The following TMEM163 variants were observed in gnomAD, a reference collection of about 807,000 sequenced individuals.
The protein encoded by TMEM163 is transmembrane protein 163.
In TMEM163, 17 loss-of-function variants were observed where a neutral mutation model predicts 29.3. That is an observed-to-expected ratio of 0.58 (90% CI 0.40 to 0.87). The LOEUF (loss-of-function observed/expected upper bound fraction) is 0.87. TMEM163 is among the 40% of genes least tolerant of loss of function. The pLI, the probability that TMEM163 is intolerant of heterozygous loss-of-function variation, is 0.00. For missense variants in TMEM163, 303 were observed against 381.5 expected, an observed-to-expected ratio of 0.79 and a Z score of 1.71; for synonymous variants, 157 against 160.6, an observed-to-expected ratio of 0.98 and a Z score of 0.17.
At chr2:134,525,532 G>GC (rs894415179) in intron 4 of TMEM163, among the ~76,000 whole-genome samples, 1 of 152,210 alleles carries the variant, frequency 6.6e-6, no homozygotes, top group African/African-American at 2.4e-5. Flanking sequence ...AAGGGCACTT[G>GC]CCCCCTTTGT....
chr2:134,484,803 AG>A (rs1679275158), intron 5 of TMEM163, among the ~76,000 whole-genome samples: 1 of 152,218 alleles, frequency 6.6e-6, no homozygotes, highest in Admixed American at 6.5e-5. Flanking sequence ...AGGGTCAACC[AG>A]AGTAGGAAGT....
intron 5 of TMEM163, among the ~76,000 whole-genome samples, chr2:134,490,400 C>A (rs57459454): frequency 0.061 from 9,237 of 152,188 alleles, 358 homozygotes; most frequent in South Asian, 0.12. Context: ...ACTCAAGGAG[C>A]AGGTCCAGGG....
chr2:134,625,408 T>G (rs1309748551), intron 2 of TMEM163, among the ~76,000 whole-genome samples: 19 of 152,182 alleles, frequency 1.2e-4, no homozygotes. Context: ...CATGGAGCCA[T>G]TTCATAATGG....
intron 5 of TMEM163, among the ~76,000 whole-genome samples, chr2:134,471,303 G>A: frequency 6.6e-6 from 1 of 152,192 alleles, no homozygotes; most frequent in Admixed American, 6.5e-5. Flanking sequence ...AGATAATTAG[G>A]GTTAGATTAG....
intron 2 of TMEM163, among the ~76,000 whole-genome samples, chr2:134,570,487 CATAT>C (rs1180099096): frequency 9.9e-5 from 9 of 90,584 alleles, no homozygotes; most frequent in African/African-American, 6.1e-4. Context: ...TATACATATA[CATAT>C]ACATATACAT....
chr2:134,522,268 G>A (rs937013638), intron 4 of TMEM163, among the ~76,000 whole-genome samples: 16 of 152,218 alleles, frequency 1.1e-4, no homozygotes, highest in Non-Finnish European at 1.6e-4. Context: ...TCCACAAGAG[G>A]GAGAGACTGG....
chr2:134,718,623 CCCCCGCGCGCTCCGAGCCCCGCGCCTCG>C, intron 1 of TMEM163, 83 bp downstream of exon 1: 1 of 823,966 alleles, frequency 1.2e-6, no homozygotes, highest in Non-Finnish European at 1.5e-6. Context: ...GGGCTCCGCG[CCCCCGCGCGCTCCGAGCCCCGCGCCTCG>C]CCCAGCGCGG....
At chr2:134,491,171 G>T (rs535124622) in intron 5 of TMEM163, among the ~76,000 whole-genome samples, 1 of 152,122 alleles carries the variant, frequency 6.6e-6, no homozygotes, top group African/African-American at 2.4e-5. Flanking sequence ...TGTGAAGAGC[G>T]AAGCACTCAG....
chr2:134,589,604 C>A (rs931280375), intron 2 of TMEM163, among the ~76,000 whole-genome samples: 2 of 152,132 alleles, frequency 1.3e-5, no homozygotes, highest in Non-Finnish European at 2.9e-5. Context: ...AGAGGAGGAA[C>A]CCTCAGTTCT....
chr2:134,606,622 C>T (rs752437771), intron 2 of TMEM163, among the ~76,000 whole-genome samples: 5 of 152,176 alleles, frequency 3.3e-5, no homozygotes, highest in African/African-American at 4.8e-5. Context: ...GCTGTGCCTC[C>T]TGTGTCATCG....
chr2:134,688,341 G>T (rs1253439786), intron 2 of TMEM163, among the ~76,000 whole-genome samples: 1 of 151,030 alleles, frequency 6.6e-6, no homozygotes. Flanking sequence ...AGGTTCAAAG[G>T]TCGGCTGCCA....
chr2:134,530,126 C>T lies in TMEM163; in HGVS notation c.458+20444G>A, dbSNP rs74325658. Reference sequence around the variant, plus strand: ...GATATGTAGAGGCCGGGGAAGGGGACGCATCTGCTCTTCCTTCAAGCCCTT... The same window carrying T: ...GATATGTAGAGGCCGGGGAAGGGGATGCATCTGCTCTTCCTTCAAGCCCTT... On this transcript the variant is annotated intron_variant, in intron 4 of 7. Transcript: ENST00000281924. 6.5e-3 allele frequency among the ~76,000 whole-genome samples: 993 copies of T among 152,196 alleles called. 15 individuals are homozygous for T. The highest frequency in any genetic ancestry group is 0.023 in the African/African-American group (942 of 41,528).
chr2:134,696,957 G>A (rs1480892536), intron 2 of TMEM163, among the ~76,000 whole-genome samples: 2 of 152,050 alleles, frequency 1.3e-5, no homozygotes, highest in Admixed American at 6.6e-5. Flanking sequence ...TGTATTTTTA[G>A]TAGAGAGGGG....
chr2:134,508,745 C>G (rs1023325657), intron 4 of TMEM163, among the ~76,000 whole-genome samples: 1 of 152,050 alleles, frequency 6.6e-6, no homozygotes. Flanking sequence ...TCATTTCTTC[C>G]CTCAACTCTC....
chr2:134,511,348 A>G (rs581454), intron 4 of TMEM163, among the ~76,000 whole-genome samples: 53,231 of 151,978 alleles, frequency 0.35, 9,899 homozygotes, highest in South Asian at 0.61. Flanking sequence ...CAACGAGGCC[A>G]ACGTGGCTGG....
chr2:134,470,112 C>A (rs939682812), intron 5 of TMEM163: 2 of 152,222 alleles, frequency 1.3e-5, no homozygotes, highest in African/African-American at 4.8e-5. Context: ...AATCCTAGCA[C>A]TTTGGGAGGC....
intron 2 of TMEM163, among the ~76,000 whole-genome samples, chr2:134,686,249 A>C (rs1469596388): frequency 6.6e-6 from 1 of 152,236 alleles, no homozygotes; most frequent in Non-Finnish European, 1.5e-5. Context: ...AAGAAAAGGT[A>C]AAAGCTTTTT....
At chr2:134,563,042 A>G (rs1681217306) in intron 2 of TMEM163, among the ~76,000 whole-genome samples, 1 of 152,234 alleles carries the variant, frequency 6.6e-6, no homozygotes, top group African/African-American at 2.4e-5. Flanking sequence ...CTTATATGCA[A>G]TGGCAAGCTT....
rs545041591 is a variant in TMEM163, at chr2:134,706,421, G to A, written c.322+6779C>T. Among the ~76,000 whole-genome samples the A allele has an allele frequency of 3.3e-5, 5 of 152,248 alleles. No individual in the cohort carries two copies. The South Asian group carries it at 8.3e-4, about 25-fold the overall frequency. On this transcript the variant is annotated intron_variant, in intron 2 of 7. Transcript: ENST00000281924. ...CACTGTGTTAGCGGCTGACAACACC[G>A]CCTGAAGAAGACGGGTCCTGGTGTG...
Sources: gnomAD v4.1 joint callset for allele counts (sites outside exome capture counted in the v4.1 genomes callset) on GRCh38, gnomAD v4.1.1 for gene constraint, MANE v1.5 for transcripts, NCBI Gene and HGNC (gene_info 2026-07-23, HGNC 2026-07-21) for gene names.